The following ITPR3 variants were observed in gnomAD, a reference collection of about 807,000 sequenced individuals.
The protein encoded by ITPR3 is inositol 1,4,5-trisphosphate-gated calcium channel ITPR3.
Under a neutral mutation model 293.2 loss-of-function variants are expected in ITPR3, and 173 were observed. That is an observed-to-expected ratio of 0.59 (90% CI 0.52 to 0.67). ITPR3 has a LOEUF of 0.67. Ranked by LOEUF, ITPR3 falls within the 30% of genes least tolerant of loss-of-function variation. The pLI is 0.00. For synonymous variants in ITPR3, 1,295 were observed against 1,444.4 expected, an observed-to-expected ratio of 0.90 and a Z score of 2.35; for missense variants, 2,796 against 3,592.1, an observed-to-expected ratio of 0.78 and a Z score of 5.66.
intron 1 of ITPR3, among the ~76,000 whole-genome samples, chr6:33,626,793 C>A (rs1454300165): frequency 1.3e-5 from 2 of 152,112 alleles, no homozygotes; most frequent in Admixed American, 1.3e-4. Flanking sequence ...GGATTTCAGA[C>A]CTGTCTTGGC....
chr6:33,676,661 T>G (rs1045154408), intron 25 of ITPR3, 107 bp from the exon 26 acceptor site: 56 of 1,279,568 alleles, frequency 4.4e-5, no homozygotes, highest in East Asian at 1.7e-4. Context: ...GAGGGACAGG[T>G]GGTGGTCTAC....
Position 33,669,064 on chromosome 6 carries a change from G to C in ITPR3, c.2097G>C (p.Lys699Asn). ...EEEVWLTWTD[K>N]NNEHHEKSVR... ...AAGTGTGGCTCACGTGGACTGACAAGAATAACGAGCATCATGAGAAGAGTG... is the reference window on the plus strand; with the variant it reads ...AAGTGTGGCTCACGTGGACTGACAACAATAACGAGCATCATGAGAAGAGTG... Residue 699 changes from lysine to asparagine, a missense_variant, in exon 18 of 58, where the codon AAG becomes AAC. Coordinates refer to ENST00000605930, the MANE Select transcript of ITPR3 (RefSeq NM_002224.4). 2 of 1,614,214 alleles carry C rather than the reference G, an allele frequency of 1.2e-6. No homozygotes were observed. Among genetic ancestry groups the C allele is most frequent in the South Asian group, 1.1e-5 (1 of 91,076 alleles).
At chr6:33,663,444 C>T (rs369660172) in intron 9 of ITPR3, 56 bp from the exon 10 acceptor site, 236 of 1,521,896 alleles carry the variant, frequency 1.6e-4, no homozygotes, top group Non-Finnish European at 2.0e-4. Flanking sequence ...TGCAGTGGGT[C>T]GTGTGGGTAT....
rs780095706 is a variant in ITPR3 at position 33,685,682 on chromosome 6, G to A, written c.5522G>A (p.Arg1841His). Reference protein sequence around the residue: ...ASFSIPGSSSRYSLGPSLRRG... With the variant: ...ASFSIPGSSSHYSLGPSLRRG... ...TTCTCGATACCTGGCTCCTCATCCC[G>A]CTACTCGCTGGGCCCCAGCCTGCGC... Residue 1841 changes from arginine to histidine, a missense_variant, in exon 41 of 58, where the codon CGC (arginine) becomes CAC (histidine). Around this residue, in one of 8 missense-constraint regions of ITPR3, gnomAD observed 704 missense variants for 797.5 expected, o/e 0.88. Transcript: ENST00000605930. 8.8e-6 allele frequency: 14 copies of A among 1,598,422 alleles called. No individual in the cohort carries two copies. The highest frequency in any genetic ancestry group is 1.7e-4 in the Middle Eastern group (1 of 5,988).
At position 33,672,436 on chromosome 6, in the gene ITPR3, C is replaced by T. The variant is rs7739199; in HGVS notation, c.2928+208C>T. Reference sequence around the variant, plus strand: ...GGAGCTTGTTAGAAGTGCACATTCTCGGTTGTGCGCAGTGACTCACGCCTG... The same window carrying T: ...GGAGCTTGTTAGAAGTGCACATTCTTGGTTGTGCGCAGTGACTCACGCCTG... On this transcript the variant is annotated intron_variant, in intron 22 of 57. Transcript: ENST00000605930. The surrounding 1 kb of genome is among the most constrained non-coding windows in gnomAD (Gnocchi z 5.0). Among the ~76,000 whole-genome samples the T allele has an allele frequency of 2.6e-5, 4 of 152,054 alleles. No homozygotes were observed. Among genetic ancestry groups the T allele is most frequent in the Admixed American group, 6.6e-5 (1 of 15,256 alleles).
At position 33,662,568 on chromosome 6, in the gene ITPR3, TC is replaced by T. The variant is rs1275227132; in HGVS notation, c.754del (p.Leu252Ter). ...CTGTTCCATGCGGAGCAGGAGAAGTTCCTGACGTGTGACGAGTACAAGGGCA... is the reference window on the plus strand; with the variant it reads ...CTGTTCCATGCGGAGCAGGAGAAGTTCTGACGTGTGACGAGTACAAGGGCA... The part of the protein sequence containing the change: ...VRLFHAEQEK[F>X]LTCDEYKGKL... On this transcript the variant is annotated frameshift_variant, in exon 8 of 58. Coordinates refer to ENST00000605930, the MANE Select transcript of ITPR3 (RefSeq NM_002224.4). LOFTEE classifies it high-confidence loss of function. The T allele has an allele frequency of 6.2e-7, 1 of 1,610,200 alleles. No individual in the cohort carries two copies. Among genetic ancestry groups the T allele is most frequent in the East Asian group, 2.2e-5 (1 of 44,736 alleles).
In ITPR3 at chr6:33,639,546, C is replaced by G. The variant is rs370738662; in HGVS notation, c.90-938C>G. On this transcript the variant is annotated intron_variant, in intron 1 of 57. Transcript: ENST00000605930. Reference sequence around the variant, plus strand: ...GCACTAAAAACAAGCCCCTTGCTGGCAAGTTGGTGAGAATTCAGAGGTAAC... The same window carrying G: ...GCACTAAAAACAAGCCCCTTGCTGGGAAGTTGGTGAGAATTCAGAGGTAAC... Among the ~76,000 whole-genome samples the G allele has an allele frequency of 3.3e-4, 51 of 152,268 alleles. No homozygotes were observed. In the South Asian group the frequency reaches 0.011, roughly 32 times the overall value.
chr6:33,687,445 A>G lies in ITPR3; in HGVS notation c.6178-33A>G, dbSNP rs1407081860. On this transcript the variant is annotated intron_variant, in intron 45 of 57. Coordinates refer to ENST00000605930, the MANE Select transcript of ITPR3 (RefSeq NM_002224.4). The surrounding 1 kb of genome is among the most constrained non-coding windows in gnomAD (Gnocchi z 5.3). ...CCAGCCACCATGTCCCCCAGCCACC[A>G]CACCCTGGTGACTGTGCTGCCATTT... is the stretch of plus-strand genomic sequence containing the variant. 7 of 1,588,906 alleles carry G rather than the reference A, an allele frequency of 4.4e-6. No homozygotes were observed. The highest frequency in any genetic ancestry group is 5.1e-6 in the Non-Finnish European group (6 of 1,165,736).
Position 33,684,968 on chromosome 6 carries a change from A to C in ITPR3, c.5307+25A>C. The C allele has an allele frequency of 6.3e-7, 1 of 1,585,760 alleles. No homozygotes were observed. The highest frequency in any genetic ancestry group is 1.2e-5 in the South Asian group (1 of 86,872). The stretch of plus-strand genomic sequence containing the variant: ...GGTGTGGGGGGCCTGGGGCCTGGAC[A>C]TGCCCTCCTTTGCCTCCCTCCCTTT... On this transcript the variant is annotated intron_variant, in intron 39 of 57. Transcript: ENST00000605930. This position sits in a 1 kb window ranked among gnomAD's most constrained non-coding sequence, Gnocchi z 4.2.
At chr6:33,689,994 T>C in intron 50 of ITPR3, 40 bp from the exon 51 acceptor site, 1 of 1,611,544 alleles carries the variant, frequency 6.2e-7, no homozygotes, top group Non-Finnish European at 8.5e-7. Flanking sequence ...TCAGCATAGG[T>C]GGTAGGGTGC....
At chr6:33,636,009 G>A (rs1247618221) in intron 1 of ITPR3, among the ~76,000 whole-genome samples, 9 of 151,626 alleles carry the variant, frequency 5.9e-5, no homozygotes, top group Non-Finnish European at 1.2e-4. Flanking sequence ...TCCCCTGGCC[G>A]GGTTCGGTGG....
intron 2 of ITPR3, among the ~76,000 whole-genome samples, chr6:33,653,026 G>C (rs927617793): frequency 6.6e-6 from 1 of 152,060 alleles, no homozygotes; most frequent in Non-Finnish European, 1.5e-5. Flanking sequence ...TTCTGCCTTA[G>C]TCCCCCAAGT....
At chr6:33,665,736 A>T (rs1035270388) in intron 13 of ITPR3, 99 bp from the exon 14 acceptor site, 2 of 1,355,096 alleles carry the variant, frequency 1.5e-6, no homozygotes, top group South Asian at 1.3e-5. Context: ...CCGCTGAGTG[A>T]ACTCATGAAA....
At position 33,670,976 on chromosome 6, in the gene ITPR3, C is replaced by A; in HGVS notation, c.2586+161C>A. ...GACCGCATAGAAGGCTGGGATTCTC[C>A]AAGAGGCAGGCTCCTGTTCCAATGC... is the stretch of plus-strand genomic sequence containing the variant. On this transcript the variant is annotated intron_variant, in intron 20 of 57. Transcript: ENST00000605930. The surrounding 1 kb of genome is among the most constrained non-coding windows in gnomAD (Gnocchi z 6.7). The A allele has an allele frequency of 3.8e-6, 3 of 786,866 alleles. No individual in the cohort carries two copies. Among genetic ancestry groups the A allele is most frequent in the African/African-American group, 1.9e-5 (1 of 53,406 alleles). 48.7% of individuals were successfully genotyped at this position (786,866 alleles called of 1,614,324 possible). A position where few individuals can be genotyped will look rare whatever the true frequency, so the allele number is the denominator to read the frequency against.
intron 2 of ITPR3, among the ~76,000 whole-genome samples, chr6:33,642,772 C>T (rs1763979698): frequency 6.6e-6 from 1 of 152,182 alleles, no homozygotes; most frequent in Admixed American, 6.5e-5. Flanking sequence ...GGTCCCATAT[C>T]CTCGCTGGGT....
Position 33,663,542 on chromosome 6 carries a change from G to A in ITPR3, c.997G>A (p.Ala333Thr). The part of the protein sequence containing the change: ...YKGDASDPKA[A>T]GMGAQGRTGR... ...AGGTGATGCCTCAGATCCCAAGGCAGCAGGAATGGTGAGGAGCAAAGCAGG... is the reference window on the plus strand; with the variant it reads ...AGGTGATGCCTCAGATCCCAAGGCAACAGGAATGGTGAGGAGCAAAGCAGG... The change falls in exon 10 of 58, where the codon GCA becomes ACA. Residue 333 changes from alanine (A) to threonine (T), a missense_variant. By Grantham distance (58) the Ala-to-Thr change is moderately conservative. Transcript: ENST00000605930. 6.2e-7 allele frequency: 1 copy of A among 1,605,592 alleles called. No homozygotes were observed. The highest frequency in any genetic ancestry group is 8.5e-7 in the Non-Finnish European group (1 of 1,175,678).
rs748197401 is a variant in ITPR3 at position 33,662,590 on chromosome 6, G to A, written c.774G>A (p.Lys258=). 2 of 1,612,194 alleles carry A rather than the reference G, an allele frequency of 1.2e-6. No homozygotes were observed. The highest frequency in any genetic ancestry group is 2.7e-5 in the African/African-American group (2 of 74,872). ...AGTTCCTGACGTGTGACGAGTACAAGGGCAAGCTGCAGGTGTTCCTGCGAA... is the reference window on the plus strand; with the variant it reads ...AGTTCCTGACGTGTGACGAGTACAAAGGCAAGCTGCAGGTGTTCCTGCGAA... ...QEKFLTCDEY[K]GKLQVFLRTT... The change falls in exon 8 of 58, where the codon AAG becomes AAA. Residue 258 remains lysine, a synonymous_variant. Coordinates refer to ENST00000605930, the MANE Select transcript of ITPR3 (RefSeq NM_002224.4).
rs754217827 is a variant in ITPR3, at chr6:33,677,052, G to C, written c.3485G>C (p.Gly1162Ala). Residue 1162 changes from glycine to alanine, a missense_variant, in exon 27 of 58, where the codon GGG becomes GCG. By Grantham distance (60) the Gly-to-Ala change is moderately conservative (BLOSUM62 0). Coordinates refer to ENST00000605930, the MANE Select transcript of ITPR3 (RefSeq NM_002224.4). The part of the protein sequence containing the change: ...TDEEGFLHPP[G>A]EKSSENYQIV... ...GAGGAGGGCTTTCTGCACCCACCAGGGGAGAAAAGCAGTGAGAACTACCAG... is the reference window on the plus strand; with the variant it reads ...GAGGAGGGCTTTCTGCACCCACCAGCGGAGAAAAGCAGTGAGAACTACCAG... 23 of 1,614,210 alleles carry C rather than the reference G, an allele frequency of 1.4e-5. No homozygotes were observed. Among genetic ancestry groups the C allele is most frequent in the Non-Finnish European group, 1.9e-5 (23 of 1,180,038 alleles).
At position 33,663,478 on chromosome 6, in the gene ITPR3, C is replaced by A. The variant is rs778715454; in HGVS notation, c.955-22C>A. 1.9e-6 allele frequency: 3 copies of A among 1,597,678 alleles called. No homozygotes were observed. In the East Asian group the frequency reaches 6.8e-5, roughly 36 times the overall value. On this transcript the variant is annotated intron_variant, in intron 9 of 57. Transcript: ENST00000605930. ...ATAGTTTGGTGTCCAGTAGCTCCCC[C>A]ACATCTTGTATCTCTGTCCAGGAGA...
Sources: gnomAD v4.1 joint callset for allele counts (sites outside exome capture counted in the v4.1 genomes callset) on GRCh38, gnomAD v4.1.1 for gene constraint, gnomAD v4.1.1 regional missense constraint, Gnocchi (gnomAD v3.1) non-coding constraint, MANE v1.5 for transcripts, NCBI Gene and HGNC (gene_info 2026-07-23, HGNC 2026-07-21) for gene names.